The following ADARB2 variants were observed in gnomAD, a reference collection of about 807,000 sequenced individuals.
ADARB2 encodes the protein inactive double-stranded RNA-specific editase B2.
Under a neutral mutation model 62.2 loss-of-function variants are expected in ADARB2, and 25 were observed. That is an observed-to-expected ratio of 0.40 (90% CI 0.29 to 0.56). ADARB2 has a LOEUF of 0.56. ADARB2 is among the 20% of genes least tolerant of loss of function. The pLI, the probability that ADARB2 is intolerant of heterozygous loss-of-function variation, is 0.43. For missense variants in ADARB2, 1,071 were observed against 1,077.4 expected, an observed-to-expected ratio of 0.99 and a Z score of 0.08; for synonymous variants, 572 against 500.8, an observed-to-expected ratio of 1.14 and a Z score of -1.90.
In ADARB2 at chr10:1,361,551, C is replaced by T. The variant is rs1024823434; in HGVS notation, c.1077+1477G>A. The T allele has an allele frequency of 2.6e-5, 4 of 152,214 alleles. 1 individual carries two copies. The highest frequency in any genetic ancestry group is 3.9e-4 in the East Asian group (2 of 5,172). 9.4% of individuals were successfully genotyped at this position (152,214 alleles called of 1,614,324 possible). On this transcript the variant is annotated intron_variant, in intron 3 of 9. Coordinates refer to ENST00000381312, the MANE Select transcript of ADARB2 (RefSeq NM_018702.4). ...ACTTGAAAATGAATGAATGGCTTCC[C>T]GAGAGGCAGAAGGCAGGGGTGTGCC...
At chr10:1,626,882 G>T (rs990612236) in intron 1 of ADARB2, among the ~76,000 whole-genome samples, 11 of 151,886 alleles carry the variant, frequency 7.2e-5, no homozygotes, top group African/African-American at 2.7e-4. Flanking sequence ...AACATGTATC[G>T]GTTTCTGCTG....
chr10:1,284,105 A>G (rs1337042528), intron 3 of ADARB2, among the ~76,000 whole-genome samples: 1 of 152,136 alleles, frequency 6.6e-6, no homozygotes, highest in Non-Finnish European at 1.5e-5. Context: ...TAATTCATCA[A>G]ATATTTATGG....
intron 7 of ADARB2, among the ~76,000 whole-genome samples, chr10:1,214,377 G>GT (rs1837203462): frequency 2.2e-4 from 18 of 81,406 alleles, no homozygotes; most frequent in Non-Finnish European, 3.4e-4. Flanking sequence ...TTGCACCTGT[G>GT]CCTGGACCTG....
At chr10:1,509,622 G>T (rs542100489) in intron 1 of ADARB2, among the ~76,000 whole-genome samples, 1 of 152,320 alleles carries the variant, frequency 6.6e-6, no homozygotes. Context: ...TAAATTCATT[G>T]ACTCACAGAA....
rs1433973613 is a variant in ADARB2, at chr10:1,704,950, C to T, written c.100+32101G>A. ...GCGTGGGCACCACCCAGCCATGAGT[C>T]TCAGAGGCAATAACCCCATGAGCAC... On this transcript the variant is annotated intron_variant, in intron 1 of 9. Transcript: ENST00000381312. This position sits in a 1 kb window ranked among gnomAD's most constrained non-coding sequence, Gnocchi z 5.6. 6.6e-6 allele frequency among the ~76,000 whole-genome samples: 1 copy of T among 152,060 alleles called. No homozygotes were observed. The highest frequency in any genetic ancestry group is 2.4e-5 in the African/African-American group (1 of 41,398).
chr10:1,669,536 A>G (rs1018033968), intron 1 of ADARB2, among the ~76,000 whole-genome samples: 1 of 151,918 alleles, frequency 6.6e-6, no homozygotes, highest in African/African-American at 2.4e-5. Context: ...ACAGAGAAAA[A>G]CACAGGCACA....
At chr10:1,560,169 C>G (rs1165177160) in intron 1 of ADARB2, among the ~76,000 whole-genome samples, 1 of 152,110 alleles carries the variant, frequency 6.6e-6, no homozygotes, top group African/African-American at 2.4e-5. Context: ...GAAAAGAGAG[C>G]CAAATGTTTG....
chr10:1,707,903 G>A (rs541734823), intron 1 of ADARB2, among the ~76,000 whole-genome samples: 1 of 152,152 alleles, frequency 6.6e-6, no homozygotes, highest in Non-Finnish European at 1.5e-5. Context: ...CAGTGGGAGA[G>A]GTTGCAGGGG....
intron 1 of ADARB2, among the ~76,000 whole-genome samples, chr10:1,451,726 ATATGAGGAGGAAGTATACCCG>A (rs1427937216): frequency 1.4e-5 from 2 of 146,702 alleles, no homozygotes; most frequent in African/African-American, 2.6e-5. Context: ...GGACACACCC[ATATGAGGAGGAAGTATACCCG>A]TATGAGGAGG....
At chr10:1,592,500 C>T (rs1342636231) in intron 1 of ADARB2, among the ~76,000 whole-genome samples, 2 of 19,976 alleles carry the variant, frequency 1.0e-4, no homozygotes, top group African/African-American at 2.9e-4. Context: ...CCCTCTGTCA[C>T]CCAGCTTCCC....
intron 1 of ADARB2, among the ~76,000 whole-genome samples, chr10:1,615,601 C>G (rs1420571239): frequency 1.3e-5 from 2 of 152,230 alleles, no homozygotes; most frequent in Non-Finnish European, 2.9e-5. Flanking sequence ...TTGGGCTCTC[C>G]CACTGACAAC....
At chr10:1,457,904 G>A (rs1038844107) in intron 1 of ADARB2, among the ~76,000 whole-genome samples, 2 of 109,238 alleles carry the variant, frequency 1.8e-5, no homozygotes, top group Non-Finnish European at 4.1e-5. Flanking sequence ...ATGCATCATT[G>A]GCCTTTTCCT....
At chr10:1,580,502 G>A (rs548110684) in intron 1 of ADARB2, among the ~76,000 whole-genome samples, 24 of 103,228 alleles carry the variant, frequency 2.3e-4, no homozygotes, top group Non-Finnish European at 4.4e-4. Context: ...TTGTCTTAAG[G>A]CTTTTTTTTT....
At position 1,431,213 on chromosome 10, in the gene ADARB2, AAAT is replaced by A. The variant is rs572253125; in HGVS notation, c.101-52056_101-52054del. Among the ~76,000 whole-genome samples the A allele has an allele frequency of 4.1e-3, 618 of 152,358 alleles. 1 individual carries two copies. Among genetic ancestry groups the A allele is most frequent in the African/African-American group, 0.014 (593 of 41,578 alleles). Reference sequence around the variant, plus strand: ...TACTAAACAAATCTCAACAAATTTAAAATAATAAAAATCATATAGTGTGTTCCT... The same window carrying A: ...TACTAAACAAATCTCAACAAATTTAAAATAAAAATCATATAGTGTGTTCCT... On this transcript the variant is annotated intron_variant, in intron 1 of 9. Transcript: ENST00000381312.
chr10:1,197,131 C>G (rs1240035519), intron 8 of ADARB2, among the ~76,000 whole-genome samples: 2 of 152,126 alleles, frequency 1.3e-5, no homozygotes, highest in South Asian at 4.1e-4. Flanking sequence ...AATCACTTAC[C>G]ATCTGGATAA....
At chr10:1,601,756 C>G (rs182377043) in intron 1 of ADARB2, among the ~76,000 whole-genome samples, 1 of 152,126 alleles carries the variant, frequency 6.6e-6, no homozygotes, top group South Asian at 2.1e-4. Context: ...GTCTGTGCTC[C>G]GGGGTACTTC....
intron 1 of ADARB2, chr10:1,678,052 G>T: frequency 1.9e-6 from 1 of 527,300 alleles, no homozygotes; most frequent in Non-Finnish European, 2.4e-6. Context: ...GAACAAACTG[G>T]ATAATTGGAA....
chr10:1,285,345 G>T (rs1056171294), intron 3 of ADARB2, among the ~76,000 whole-genome samples: 1 of 145,874 alleles, frequency 6.9e-6, no homozygotes, highest in African/African-American at 2.5e-5. Context: ...TCGCAGGGAC[G>T]ATGGTGGTAG....
At chr10:1,482,173 A>G (rs1421469236) in intron 1 of ADARB2, among the ~76,000 whole-genome samples, 2 of 152,226 alleles carry the variant, frequency 1.3e-5, no homozygotes, top group Non-Finnish European at 2.9e-5. Context: ...CCACTTGGGA[A>G]GAACAGTATG....
Sources: gnomAD v4.1 joint callset for allele counts (sites outside exome capture counted in the v4.1 genomes callset) on GRCh38, gnomAD v4.1.1 for gene constraint, Gnocchi (gnomAD v3.1) non-coding constraint, MANE v1.5 for transcripts, NCBI Gene and HGNC (gene_info 2026-07-23, HGNC 2026-07-21) for gene names.